The following IL18RAP variants were observed in gnomAD, a reference collection of about 807,000 sequenced individuals.
IL18RAP encodes interleukin 18 receptor accessory protein, also known as interleukin-18 receptor accessory protein.
In IL18RAP, 37 loss-of-function variants were observed where a neutral mutation model predicts 58.1. The ratio of observed to expected loss-of-function variants is 0.64; its 90% CI spans 0.49 to 0.84. The LOEUF is 0.84. IL18RAP is among the 40% of genes least tolerant of loss of function. The pLI, the probability that IL18RAP is intolerant of heterozygous loss-of-function variation, is 0.00. For synonymous variants in IL18RAP, 268 were observed against 257.5 expected, an observed-to-expected ratio of 1.04 and a Z score of -0.39; for missense variants, 667 against 704.8, an observed-to-expected ratio of 0.95 and a Z score of 0.61.
chr2:102,436,840 TAC>T (rs148575769), intron 3 of IL18RAP, among the ~76,000 whole-genome samples: 38,639 of 151,064 alleles, frequency 0.26, 5,246 homozygotes, highest in East Asian at 0.4. Flanking sequence ...TATGTATGTA[TAC>T]ACACACACAT....
At chr2:102,428,606 A>G (rs1682126608) in intron 3 of IL18RAP, among the ~76,000 whole-genome samples, 1 of 151,906 alleles carries the variant, frequency 6.6e-6, no homozygotes, top group Non-Finnish European at 1.5e-5. Context: ...ACAGTTTTTT[A>G]GTGGAGTCTT....
In IL18RAP at chr2:102,441,375, T is replaced by C. The variant is rs200911053; in HGVS notation, c.794T>C (p.Leu265Pro). The change falls in exon 5 of 10, where the codon CTT (leucine) becomes CCT (proline). Residue 265 changes from leucine to proline, a missense_variant and splice_region_variant. Leu to Pro is a moderately conservative substitution (Grantham distance 98, BLOSUM62 -3). Transcript: ENST00000687160. ...DPVEDTLEVE[L>P]GKPLTISCKA... Reference sequence around the variant, plus strand: ...GTCGAGGACACACTGGAAGTAGAACTTGGTAAGCTGGGCCTCATCGCCTTT... The same window carrying C: ...GTCGAGGACACACTGGAAGTAGAACCTGGTAAGCTGGGCCTCATCGCCTTT... The C allele has an allele frequency of 6.2e-7, 1 of 1,612,854 alleles. No homozygotes were observed. The highest frequency in any genetic ancestry group is 1.3e-5 in the African/African-American group (1 of 75,002).
At chr2:102,435,147 C>A (rs1231345072) in intron 3 of IL18RAP, 3 of 152,168 alleles carry the variant, frequency 2.0e-5, no homozygotes, top group African/African-American at 7.2e-5. Context: ...TATGGTCACA[C>A]TGAGTGGCTC....
At chr2:102,451,640 A>C (rs1683772253) in intron 9 of IL18RAP, 126 bp from the exon 10 acceptor site, 1 of 750,956 alleles carries the variant, frequency 1.3e-6, no homozygotes, top group Non-Finnish European at 2.2e-6. Context: ...AATAGAGCTG[A>C]TACAGTGTAA....
chr2:102,447,514 A>T (rs1192561382), intron 8 of IL18RAP, among the ~76,000 whole-genome samples: 1 of 152,100 alleles, frequency 6.6e-6, no homozygotes, highest in Non-Finnish European at 1.5e-5. Flanking sequence ...TCTTGTAGGC[A>T]ATGCTATTGT....
chr2:102,432,278 G>A (rs62154972), intron 3 of IL18RAP: 43,121 of 153,012 alleles, frequency 0.28, 6,432 homozygotes, highest in Middle Eastern at 0.38. Context: ...TTGAGTCGCT[G>A]GCTGAGCTCT....
chr2:102,439,332 G>T, intron 4 of IL18RAP: 1 of 152,446 alleles, frequency 6.6e-6, no homozygotes, highest in Non-Finnish European at 1.5e-5. Context: ...GGGAGTGGTA[G>T]AGGGAATGGA....
At chr2:102,440,659 A>C (rs973417073) in intron 4 of IL18RAP, among the ~76,000 whole-genome samples, 27 of 152,098 alleles carry the variant, frequency 1.8e-4, no homozygotes, top group African/African-American at 6.5e-4. Context: ...AGACAAGTTA[A>C]AAATACAGGA....
chr2:102,447,127 C>A lies in IL18RAP; in HGVS notation c.1130C>A (p.Ala377Glu). ...TIGTLVAVLA[A>E]SALLYRHWIE... ...GGGACCCTGGTGGCCGTGCTGGCGG[C>A]GAGTGCCCTCCTCTACAGGCACTGG... The change falls in exon 8 of 10, where the codon GCG becomes GAG. Residue 377 changes from alanine (A) to glutamate (E), a missense_variant. Ala to Glu is a moderately radical substitution (Grantham distance 107, BLOSUM62 -1). Transcript: ENST00000687160. 1 of 1,614,098 alleles carries A rather than the reference C, an allele frequency of 6.2e-7. No individual in the cohort carries two copies. Among genetic ancestry groups the A allele is most frequent in the South Asian group, 1.1e-5 (1 of 91,080 alleles).
At chr2:102,444,992 G>A (rs557276139) in intron 6 of IL18RAP, among the ~76,000 whole-genome samples, 197 bp from the exon 7 acceptor site, 10 of 152,270 alleles carry the variant, frequency 6.6e-5, no homozygotes, top group African/African-American at 2.2e-4. Context: ...ATGTCTTAGC[G>A]TGAATGCTTA....
intron 4 of IL18RAP, chr2:102,438,815 G>C (rs1030128840): frequency 6.6e-6 from 1 of 152,232 alleles, no homozygotes; most frequent in Non-Finnish European, 1.5e-5. Context: ...TGCTTTATCT[G>C]GCCTCCAAGA....
At position 102,452,269 on chromosome 2, in the gene IL18RAP, C is replaced by T. The variant is rs977967463; in HGVS notation, c.*88C>T. The T allele has an allele frequency of 9.4e-6, 12 of 1,282,370 alleles. No homozygotes were observed. The highest frequency in any genetic ancestry group is 1.5e-5 in the African/African-American group (1 of 66,968). The allele number at this position is 1,282,370 out of a possible 1,614,324, so 79.4% of individuals were successfully genotyped here. ...ACAGCTCTGTGTGTGTGTGTTCAGG[C>T]TGATAGGAAATTCAAAGAGTCTCCT... is the stretch of plus-strand genomic sequence containing the variant. On this transcript the variant is annotated 3_prime_UTR_variant, in exon 10 of 10. Transcript: ENST00000687160.
At chr2:102,442,196 G>T (rs796972367) in intron 5 of IL18RAP, among the ~76,000 whole-genome samples, 3 of 152,128 alleles carry the variant, frequency 2.0e-5, no homozygotes, top group African/African-American at 7.2e-5. Flanking sequence ...TTCCCTGTGG[G>T]TCTCCTTTTA....
intron 3 of IL18RAP, chr2:102,434,932 G>A (rs1487266909): frequency 6.6e-6 from 1 of 152,004 alleles, no homozygotes; most frequent in Non-Finnish European, 1.5e-5. Flanking sequence ...ATTAATTCAA[G>A]ACTTTCACTA....
At chr2:102,441,439 T>C (rs369853404) in intron 5 of IL18RAP, 62 bp downstream of exon 5, 3 of 1,296,016 alleles carry the variant, frequency 2.3e-6, no homozygotes, top group Non-Finnish European at 3.3e-6. Flanking sequence ...CTAAGTGTGA[T>C]AGAAGGAAAA....
At chr2:102,431,516 C>A (rs754277181) in intron 3 of IL18RAP, among the ~76,000 whole-genome samples, 3 of 152,100 alleles carry the variant, frequency 2.0e-5, no homozygotes, top group African/African-American at 4.8e-5. Flanking sequence ...TTTCTGACTT[C>A]TTTTTTCTTC....
upstream of IL18RAP, among the ~76,000 whole-genome samples, chr2:102,422,647 C>T (rs1681647369): frequency 6.6e-6 from 1 of 152,322 alleles, no homozygotes; most frequent in South Asian, 2.1e-4. Context: ...GACCTGCTCC[C>T]CCTTTCATAT....
At chr2:102,444,786 T>C (rs547089191) in intron 6 of IL18RAP, among the ~76,000 whole-genome samples, 1 of 152,314 alleles carries the variant, frequency 6.6e-6, no homozygotes, top group South Asian at 2.1e-4. Flanking sequence ...GATCCTATTA[T>C]ACTCTAGGGT....
intron 7 of IL18RAP, 25 bp from the exon 8 acceptor site, chr2:102,447,045 C>G (rs1483388228): frequency 1.2e-6 from 2 of 1,611,626 alleles, no homozygotes. Flanking sequence ...CTCTATGTCT[C>G]TTCATACTGG....
Sources: gnomAD v4.1 joint callset for allele counts (sites outside exome capture counted in the v4.1 genomes callset) on GRCh38, gnomAD v4.1.1 for gene constraint, MANE v1.5 for transcripts, NCBI Gene and HGNC (gene_info 2026-07-23, HGNC 2026-07-21) for gene names.